The following RPIA variants were observed in gnomAD, a reference collection of about 807,000 sequenced individuals.
RPIA encodes ribose 5-phosphate isomerase A, also known as ribose-5-phosphate isomerase.
In RPIA, 29 loss-of-function variants were observed where a neutral mutation model predicts 37.8. The ratio of observed to expected loss-of-function variants is 0.77; its 90% CI spans 0.57 to 1.05. RPIA has a LOEUF of 1.05. Among genes scored for constraint, RPIA ranks in the 50% least tolerant of loss-of-function variants. The pLI is 0.00. For missense variants in RPIA, 385 were observed against 413.6 expected (o/e 0.93, Z 0.60); for synonymous variants, 167 against 157.0 (o/e 1.06, Z -0.48).
In RPIA at chr2:88,750,357, C is replaced by CAA. The variant is rs113052379; in HGVS notation, c.*290_*291dup. 154 of 323,508 alleles carry CAA rather than the reference C, an allele frequency of 4.8e-4. No homozygotes were observed. Among genetic ancestry groups the CAA allele is most frequent in the Middle Eastern group, 1.7e-3 (2 of 1,170 alleles). 20.0% of individuals were successfully genotyped at this position (323,508 alleles called of 1,614,324 possible). A position where few individuals can be genotyped will look rare whatever the true frequency, so the allele number is the denominator to read the frequency against. ...TTCATGTTTTATATGAAATATTTAC[C>CAA]AAAAAAAAAAAATGAGGTAAACTGT... On this transcript the variant is annotated 3_prime_UTR_variant, in exon 9 of 9. Transcript: ENST00000283646.
At chr2:88,738,119 C>A in intron 8 of RPIA, 43 bp downstream of exon 8, 1 of 1,406,946 alleles carries the variant, frequency 7.1e-7, no homozygotes, top group South Asian at 1.2e-5. Flanking sequence ...CACCCATGGC[C>A]TTCATAACTG....
intron 1 of RPIA, among the ~76,000 whole-genome samples, chr2:88,694,786 A>G (rs1259307298): frequency 6.6e-6 from 1 of 152,104 alleles, no homozygotes; most frequent in Non-Finnish European, 1.5e-5. Context: ...TCCCCATTTC[A>G]GAAGGGTTCC....
At chr2:88,736,932 A>T (rs1673322534) in intron 7 of RPIA, among the ~76,000 whole-genome samples, 1 of 152,186 alleles carries the variant, frequency 6.6e-6, no homozygotes, top group African/African-American at 2.4e-5. Context: ...TCTGTGCCTC[A>T]GGTTCTGACA....
chr2:88,726,631 A>G (rs1225805502), intron 3 of RPIA, among the ~76,000 whole-genome samples: 1 of 152,230 alleles, frequency 6.6e-6, no homozygotes, highest in Non-Finnish European at 1.5e-5. Flanking sequence ...TTATAAGTAT[A>G]TGGTAGAGAA....
Position 88,741,507 on chromosome 2 carries a change from A to C in RPIA, c.838+3431A>C, listed in dbSNP as rs114107576. Among the ~76,000 whole-genome samples the C allele has an allele frequency of 6.5e-3, 984 of 152,284 alleles. 5 individuals are homozygous for C. Among genetic ancestry groups the C allele is most frequent in the Non-Finnish European group, 0.012 (802 of 68,024 alleles). On this transcript the variant is annotated intron_variant, in intron 8 of 8. Coordinates refer to ENST00000283646, the MANE Select transcript of RPIA (RefSeq NM_144563.3). ...CATTTAGGCTGGTTCCATATTGTTGAAATTGCAAGTTGTTTTGCTATCAAC... is the reference window on the plus strand; with the variant it reads ...CATTTAGGCTGGTTCCATATTGTTGCAATTGCAAGTTGTTTTGCTATCAAC...
chr2:88,716,624 G>A (rs552415075), intron 3 of RPIA, among the ~76,000 whole-genome samples: 1 of 152,324 alleles, frequency 6.6e-6, no homozygotes. Context: ...GGTTAACTGT[G>A]TGGAGGAGTC....
rs200524237 is a variant in RPIA, at chr2:88,736,683, G to C, written c.738+7G>C. ...AATGGCTGTCAACAAGGCTGTGAGT[G>C]GCCTGGTTGGGCCGGGGGTGTGCTG... On this transcript the variant is annotated splice_region_variant and intron_variant, in intron 7 of 8. Coordinates refer to ENST00000283646, the MANE Select transcript of RPIA (RefSeq NM_144563.3). The C allele has an allele frequency of 2.0e-4, 322 of 1,608,800 alleles. No individual in the cohort carries two copies. In the African/African-American group the frequency reaches 4.1e-3, roughly 20 times the overall value.
intron 8 of RPIA, among the ~76,000 whole-genome samples, chr2:88,746,709 T>G (rs1673441876): frequency 6.6e-6 from 1 of 152,158 alleles, no homozygotes; most frequent in South Asian, 2.1e-4. Context: ...GTATTTTTGT[T>G]TAGTGCACTG....
At chr2:88,719,289 T>TA (rs1396106354) in intron 3 of RPIA, among the ~76,000 whole-genome samples, 9 of 152,164 alleles carry the variant, frequency 5.9e-5, no homozygotes, top group African/African-American at 4.8e-5. Context: ...ACTGATAACA[T>TA]ACATTAAGTC....
chr2:88,702,925 T>C (rs1191520691), intron 3 of RPIA, among the ~76,000 whole-genome samples: 1 of 152,150 alleles, frequency 6.6e-6, no homozygotes, highest in Non-Finnish European at 1.5e-5. Flanking sequence ...GTACAGGTAT[T>C]GGGTGAATAC....
chr2:88,734,656 C>G (rs745599859), intron 5 of RPIA, 40 bp downstream of exon 5: 22 of 1,597,630 alleles, frequency 1.4e-5, no homozygotes, highest in Non-Finnish European at 1.9e-5. Context: ...GAGTATCTGC[C>G]AGTTAATCCT....
Position 88,750,204 on chromosome 2 carries a change from A to C in RPIA, c.*126A>C. ...CAACTTGTGGTGGGGGGTGGGGGGAAGAGTGGGAGGGGGAGTTAAATCCAG... is the reference window on the plus strand; with the variant it reads ...CAACTTGTGGTGGGGGGTGGGGGGACGAGTGGGAGGGGGAGTTAAATCCAG... On this transcript the variant is annotated 3_prime_UTR_variant, in exon 9 of 9. Coordinates refer to ENST00000283646, the MANE Select transcript of RPIA (RefSeq NM_144563.3). 1.6e-6 allele frequency: 1 copy of C among 636,072 alleles called. No individual in the cohort carries two copies. Among genetic ancestry groups the C allele is most frequent in the Non-Finnish European group, 3.0e-6 (1 of 338,246 alleles). The allele number at this position is 636,072 out of a possible 1,614,324, so 39.4% of individuals were successfully genotyped here.
chr2:88,736,486 C>A (rs780026697), intron 6 of RPIA, 49 bp from the exon 7 acceptor site: 2 of 1,608,526 alleles, frequency 1.2e-6, no homozygotes, highest in South Asian at 2.2e-5. Context: ...TTTGCCTGTA[C>A]TGTTGAGCTT....
chr2:88,704,831 G>C (rs1419731949), intron 3 of RPIA, among the ~76,000 whole-genome samples: 1 of 152,138 alleles, frequency 6.6e-6, no homozygotes, highest in East Asian at 1.9e-4. Context: ...CATCATCTCA[G>C]CCCAAAAGCT....
At chr2:88,744,741 A>G (rs187933032) in intron 8 of RPIA, among the ~76,000 whole-genome samples, 67 of 152,326 alleles carry the variant, frequency 4.4e-4, no homozygotes, top group African/African-American at 1.5e-3. Flanking sequence ...TTGTATCATT[A>G]TATAATGTTC....
Position 88,710,820 on chromosome 2 carries a change from A to G in RPIA, c.402+10756A>G, listed in dbSNP as rs555367821. On this transcript the variant is annotated intron_variant, in intron 3 of 8. Coordinates refer to ENST00000283646, the MANE Select transcript of RPIA (RefSeq NM_144563.3). ...CTTCTCCCTTGTCTGCACCAGATTAAGAATGTGTTCAGGGTCAAAAATGTG... is the reference window on the plus strand; with the variant it reads ...CTTCTCCCTTGTCTGCACCAGATTAGGAATGTGTTCAGGGTCAAAAATGTG... Among the ~76,000 whole-genome samples the G allele has an allele frequency of 2.0e-5, 3 of 152,316 alleles. No homozygotes were observed. In the South Asian group the frequency reaches 6.2e-4, roughly 32 times the overall value.
In RPIA at chr2:88,750,000, A is replaced by T. The variant is rs142341148; in HGVS notation, c.858A>T (p.Leu286=). ...KMIPGVVDTG[L]FINMAERVYF... ...CTGCAGGTGTGGTGGACACAGGCCT[A>T]TTCATCAACATGGCTGAGAGAGTCT... Residue 286 remains leucine, a synonymous_variant, in exon 9 of 9, where the codon CTA becomes CTT. Transcript: ENST00000283646. 4.3e-6 allele frequency: 7 copies of T among 1,612,858 alleles called. No homozygotes were observed. The Admixed American group carries it at 1.2e-4, about 27-fold the overall frequency.
At chr2:88,709,878 C>T (rs969327954) in intron 3 of RPIA, among the ~76,000 whole-genome samples, 3 of 152,124 alleles carry the variant, frequency 2.0e-5, no homozygotes, top group Non-Finnish European at 4.4e-5. Context: ...TAATAATAGC[C>T]CCCCTTTTTT....
At chr2:88,744,594 C>G (rs1673420154) in intron 8 of RPIA, among the ~76,000 whole-genome samples, 1 of 152,154 alleles carries the variant, frequency 6.6e-6, no homozygotes, top group Non-Finnish European at 1.5e-5. Flanking sequence ...CAGTGGAGTA[C>G]TTAAGTCTCC....
Sources: allele counts gnomAD v4.1 joint callset (sites outside exome capture counted in the v4.1 genomes callset), GRCh38; gene constraint gnomAD v4.1.1; transcripts MANE v1.5; gene names NCBI Gene and HGNC (gene_info 2026-07-23, HGNC 2026-07-21).